PGBD2: variants seen among roughly 807,000 people sequenced by gnomAD.
PGBD2 encodes piggyBac transposable element-derived protein 2.
Under a neutral mutation model 8.1 loss-of-function variants are expected in PGBD2, and 6 were observed. The ratio of observed to expected loss-of-function variants is 0.74; its 90% CI spans 0.40 to 1.46. PGBD2 has a LOEUF of 1.46. Ranked by LOEUF, PGBD2 falls within the 40% of genes most tolerant of loss-of-function variation. The pLI is 0.02. For synonymous variants in PGBD2, 318 were observed against 272.2 expected (o/e 1.17, Z -1.66); for missense variants, 802 against 739.0 (o/e 1.09, Z -0.99).
At chr1:248,874,933 G>GATAGATAGATAGATAGACAA in the PGBD2 span, among the ~76,000 whole-genome samples, 190 of 150,694 alleles carry the variant, frequency 1.3e-3, 1 homozygote, top group African/African-American at 4.2e-3. Context: ...TAGATAGATA[G>GATAGATAGATAGATAGACAA]ATAGATAGAT....
chr1:248,916,624 A>G lies in PGBD2; in HGVS notation c.40A>G (p.Ile14Val), dbSNP rs1662105893. ...TSRDVIAGRG[I>V]HSKVKSAKLL... is the part of the protein sequence containing the mutation. Reference sequence around the variant, plus strand: ...CAGAGATGTCATTGCTGGGAGAGGTATCCACTCAAAGGTGAAGTCTGCAAA... The same window carrying G: ...CAGAGATGTCATTGCTGGGAGAGGTGTCCACTCAAAGGTGAAGTCTGCAAA... The change falls in exon 3 of 3, where the codon ATC (isoleucine) becomes GTC (valine). Residue 14 changes from isoleucine to valine, a missense_variant. Ile to Val is a conservative substitution (Grantham distance 29, BLOSUM62 3). Transcript: ENST00000329291. 1 of 1,613,968 alleles carries G rather than the reference A, an allele frequency of 6.2e-7. No individual in the cohort carries two copies. Among genetic ancestry groups the G allele is most frequent in the African/African-American group, 1.3e-5 (1 of 74,920 alleles).
chr1:248,885,665 A>G, the PGBD2 span, among the ~76,000 whole-genome samples: 2 of 152,184 alleles, frequency 1.3e-5, no homozygotes, highest in African/African-American at 2.4e-5. Context: ...GATGAAGACT[A>G]TCTTAACAGT....
chr1:248,920,727 C>T (rs779626971), downstream of PGBD2, among the ~76,000 whole-genome samples: 15 of 152,202 alleles, frequency 9.9e-5, no homozygotes, highest in Non-Finnish European at 1.8e-4. Context: ...ACACTGTCTT[C>T]CACAATGGTG....
the PGBD2 span, among the ~76,000 whole-genome samples, chr1:248,929,569 G>A: frequency 6.6e-6 from 1 of 152,162 alleles, no homozygotes; most frequent in Non-Finnish European, 1.5e-5. Flanking sequence ...CTTGTGTTAG[G>A]CAATGTTGTA....
chr1:248,882,964 G>C, the PGBD2 span, among the ~76,000 whole-genome samples: 1 of 152,114 alleles, frequency 6.6e-6, no homozygotes, highest in Non-Finnish European at 1.5e-5. Flanking sequence ...ATTTTAGAAA[G>C]CTTACTTGTG....
At chr1:248,883,986 A>T in the PGBD2 span, among the ~76,000 whole-genome samples, 1 of 152,182 alleles carries the variant, frequency 6.6e-6, no homozygotes, top group Non-Finnish European at 1.5e-5. Flanking sequence ...TTGAGCACTT[A>T]GTCATAAATT....
In PGBD2 at chr1:248,918,329, A is replaced by G. The variant is rs771419340; in HGVS notation, c.1745A>G (p.His582Arg). Residue 582 changes from histidine (H) to arginine (R), a missense_variant, in exon 3 of 3, where the codon CAT becomes CGT. Physicochemically the swap from His to Arg is conservative, Grantham distance 29. Transcript: ENST00000329291. ...TRCEKCQKGVHAKCFREYHIR is the reference protein window; with the variant it reads ...TRCEKCQKGVRAKCFREYHIR ...TGTGAGAAGTGCCAGAAGGGTGTCC[A>G]TGCCAAATGCTTCAGGGAGTACCAC... 2 of 1,571,770 alleles carry G rather than the reference A, an allele frequency of 1.3e-6. No homozygotes were observed. Among genetic ancestry groups the G allele is most frequent in the African/African-American group, 1.4e-5 (1 of 74,048 alleles).
chr1:248,924,909 A>C (rs981742417), downstream of PGBD2, among the ~76,000 whole-genome samples: 1 of 152,178 alleles, frequency 6.6e-6, no homozygotes, highest in Admixed American at 6.5e-5. Flanking sequence ...TCTGCCCTCT[A>C]GTGGATTCTG....
At chr1:248,909,491 G>GT (rs111250041) in intron 1 of PGBD2, among the ~76,000 whole-genome samples, 3,406 of 152,280 alleles carry the variant, frequency 0.022, 109 homozygotes, top group African/African-American at 0.076. Flanking sequence ...TCTGCAGCAG[G>GT]TTGAGATGGA....
chr1:248,914,677 C>T, intron 2 of PGBD2: 3 of 1,105,142 alleles, frequency 2.7e-6, no homozygotes, highest in Non-Finnish European at 3.6e-6. Flanking sequence ...ACCTCTGTGC[C>T]TACCCTCCAT....
upstream of PGBD2, among the ~76,000 whole-genome samples, chr1:248,901,409 C>G (rs1163635987): frequency 1.3e-5 from 2 of 152,086 alleles, no homozygotes; most frequent in Non-Finnish European, 2.9e-5. Context: ...ATCAATGGAA[C>G]AGACTAGAGA....
At chr1:248,913,243 G>T (rs773633814) in intron 1 of PGBD2, among the ~76,000 whole-genome samples, 2 of 151,982 alleles carry the variant, frequency 1.3e-5, no homozygotes, top group Non-Finnish European at 2.9e-5. Flanking sequence ...CTAGTGTGTA[G>T]CCTTCCAGTT....
At chr1:248,914,709 A>G (rs947309595) in intron 2 of PGBD2, 5 of 890,420 alleles carry the variant, frequency 5.6e-6, no homozygotes, top group Non-Finnish European at 6.2e-6. Flanking sequence ...TCTCATAGCC[A>G]GGGTGATGTG....
intron 1 of PGBD2, among the ~76,000 whole-genome samples, chr1:248,912,405 G>T (rs951591747): frequency 1.3e-5 from 2 of 152,072 alleles, no homozygotes. Flanking sequence ...TGCATCGCTG[G>T]GCAAGTCACT....
chr1:248,874,230 A>G, the PGBD2 span, among the ~76,000 whole-genome samples: 6 of 152,184 alleles, frequency 3.9e-5, no homozygotes, highest in Admixed American at 2.6e-4. Context: ...GCATATTGCT[A>G]AATGACGCAT....
chr1:248,925,118 T>C, the PGBD2 span, among the ~76,000 whole-genome samples: 1 of 152,184 alleles, frequency 6.6e-6, no homozygotes, highest in South Asian at 2.1e-4. Flanking sequence ...GACTGAGTCC[T>C]TCCTCAGCGC....
the PGBD2 span, among the ~76,000 whole-genome samples, chr1:248,926,658 TCA>T: frequency 6.6e-6 from 1 of 152,196 alleles, no homozygotes; most frequent in Admixed American, 6.5e-5. Context: ...TTCTCATTAC[TCA>T]CACAACAAAA....
At chr1:248,899,174 T>A in the PGBD2 span, among the ~76,000 whole-genome samples, 1 of 152,150 alleles carries the variant, frequency 6.6e-6, no homozygotes, top group East Asian at 1.9e-4. Context: ...AATACCCCAC[T>A]GACAATATTA....
Position 248,917,696 on chromosome 1 carries a change from C to T in PGBD2, c.1112C>T (p.Thr371Ile). 6.2e-7 allele frequency: 1 copy of T among 1,614,166 alleles called. No individual in the cohort carries two copies. The highest frequency in any genetic ancestry group is 2.2e-5 in the East Asian group (1 of 44,886). Residue 371 changes from threonine to isoleucine, a missense_variant, in exon 3 of 3, where the codon ACA becomes ATA. Thr to Ile is a moderately conservative substitution (Grantham distance 89). Transcript: ENST00000329291. ...SILRKKGVKA[T>I]GTVREYRTER... ...TTGAGGAAAAAGGGGGTGAAAGCCA[C>T]AGGAACTGTTCGTGAGTACAGGACT...
Sources: allele counts gnomAD v4.1 joint callset (sites outside exome capture counted in the v4.1 genomes callset), GRCh38; gene constraint gnomAD v4.1.1; transcripts MANE v1.5; gene names NCBI Gene and HGNC (gene_info 2026-07-23, HGNC 2026-07-21).